Variants in ATPAF2 observed in about 807,000 individuals in gnomAD.
The protein encoded by ATPAF2 is ATP12 homolog.
Under a neutral mutation model 36.6 loss-of-function variants are expected in ATPAF2, and 30 were observed. The ratio of observed to expected loss-of-function variants is 0.82; its 90% CI spans 0.61 to 1.11. ATPAF2 has a LOEUF of 1.11. ATPAF2 is among the 50% of genes most tolerant of loss of function. The pLI, the probability that ATPAF2 is intolerant of heterozygous loss-of-function variation, is 0.00. For synonymous variants in ATPAF2, 140 were observed against 152.6 expected, an observed-to-expected ratio of 0.92 and a Z score of 0.61; for missense variants, 321 against 372.3, an observed-to-expected ratio of 0.86 and a Z score of 1.13.
chr17:18,021,222 A>G lies in ATPAF2; in HGVS notation c.633T>C (p.Ala211=). 6.2e-7 allele frequency: 1 copy of G among 1,613,588 alleles called. No homozygotes were observed. Among genetic ancestry groups the G allele is most frequent in the Non-Finnish European group, 8.5e-7 (1 of 1,179,854 alleles). ...TWALQGIEFV[A]AQLKSMVLTL... is the part of the protein sequence containing the mutation. ...TTAGCACCATGGACTTGAGCTGGGC[A>G]GCTACAAACTCAATCCCTGCAGGGA... Residue 211 remains alanine (A), a synonymous_variant, in exon 7 of 8, where the codon GCT becomes GCC. Transcript: ENST00000474627.
At chr17:18,016,544 G>A (rs760206026), downstream of ATPAF2, 4 of 1,589,340 alleles carry the variant, frequency 2.5e-6, no homozygotes, top group Non-Finnish European at 3.5e-6. Flanking sequence ...TCGGGCTTTG[G>A]TTTCACTCCT....
intron 1 of ATPAF2, among the ~76,000 whole-genome samples, chr17:18,031,044 T>C (rs1262221667): frequency 5.2e-5 from 7 of 135,810 alleles, no homozygotes; most frequent in East Asian, 2.3e-4. Context: ...GCGATCTCGG[T>C]TCACTGCAAG....
chr17:18,027,231 AG>A (rs1469341936), intron 3 of ATPAF2, among the ~76,000 whole-genome samples: 3 of 151,612 alleles, frequency 2.0e-5, no homozygotes, highest in Non-Finnish European at 4.4e-5. Flanking sequence ...AAAAAAAAAA[AG>A]ATCTTTTTTT....
At chr17:18,033,050 TAAAGGCTCCACACAGGCATAC>T (rs2145517240) in intron 1 of ATPAF2, among the ~76,000 whole-genome samples, 1 of 151,950 alleles carries the variant, frequency 6.6e-6, no homozygotes, top group African/African-American at 2.4e-5. Flanking sequence ...GGGAGCCAAG[TAAAGGCTCCACACAGGCATAC>T]AGGAACTTGA....
intron 7 of ATPAF2, 102 bp from the exon 8 acceptor site, chr17:18,018,788 G>A (rs1354978440): frequency 6.4e-7 from 1 of 1,561,700 alleles, no homozygotes; most frequent in Non-Finnish European, 8.8e-7. Flanking sequence ...AGGGCAACAG[G>A]TTTGTATCTT....
At chr17:18,033,556 G>A (rs1311545356) in intron 1 of ATPAF2, among the ~76,000 whole-genome samples, 1 of 151,836 alleles carries the variant, frequency 6.6e-6, no homozygotes, top group Non-Finnish European at 1.5e-5. Flanking sequence ...TAGCTTTGTA[G>A]GATCATGCAG....
downstream of ATPAF2, chr17:18,016,243 C>T (rs757954586): frequency 6.3e-7 from 1 of 1,596,514 alleles, no homozygotes; most frequent in Non-Finnish European, 8.6e-7. Context: ...ACTTTTCTAG[C>T]TGACATGGAA....
intron 7 of ATPAF2, 25 bp downstream of exon 7, chr17:18,021,098 C>T (rs753416171): frequency 2.1e-5 from 33 of 1,600,174 alleles, no homozygotes; most frequent in East Asian, 2.0e-4. Flanking sequence ...AAGGGGGAGG[C>T]GGGACCTGAG....
At chr17:18,016,576 A>T (rs943541127), downstream of ATPAF2, 10 of 1,613,368 alleles carry the variant, frequency 6.2e-6, no homozygotes, top group Middle Eastern at 1.6e-4. Context: ...GGATGAGATC[A>T]TGAGGAACCG....
intron 3 of ATPAF2, among the ~76,000 whole-genome samples, chr17:18,027,701 G>A (rs773068944): frequency 1.4e-4 from 21 of 152,170 alleles, no homozygotes; most frequent in Non-Finnish European, 2.4e-4. Flanking sequence ...GGACGAGGGG[G>A]CTGGTTCTAT....
chr17:18,034,700 C>A (rs2044681236), intron 1 of ATPAF2, among the ~76,000 whole-genome samples: 1 of 152,138 alleles, frequency 6.6e-6, no homozygotes, highest in Admixed American at 6.5e-5. Context: ...ACAGAGTTAC[C>A]ATTTGACCCA....
chr17:18,015,318 C>CA (rs2044318242), downstream of ATPAF2: 1 of 152,210 alleles, frequency 6.6e-6, no homozygotes, highest in African/African-American at 2.4e-5. Flanking sequence ...ACAGAGCATT[C>CA]AGGTGCTCTG....
intron 1 of ATPAF2, among the ~76,000 whole-genome samples, chr17:18,029,926 C>CCTAT (rs1385809324): frequency 1.4e-5 from 2 of 146,846 alleles, no homozygotes; most frequent in Non-Finnish European, 3.0e-5. Context: ...GTGGCTCATG[C>CCTAT]CTATAATCCT....
chr17:18,024,833 T>C (rs560076631), intron 4 of ATPAF2, 129 bp from the exon 5 acceptor site: 8 of 785,066 alleles, frequency 1.0e-5, no homozygotes, highest in Admixed American at 6.0e-5. Context: ...ACAAGTCTTT[T>C]CCCCTAAAGC....
intron 1 of ATPAF2, among the ~76,000 whole-genome samples, chr17:18,034,419 A>T (rs565444619): frequency 2.6e-5 from 4 of 152,162 alleles, no homozygotes; most frequent in Admixed American, 6.5e-5. Context: ...AAAAAAAAAC[A>T]ATGGTCAAGG....
chr17:18,028,152 T>G, intron 3 of ATPAF2, 80 bp downstream of exon 3: 1 of 1,567,302 alleles, frequency 6.4e-7, no homozygotes, highest in Non-Finnish European at 8.8e-7. Flanking sequence ...CCCAGGGCCT[T>G]GTCGGAATTT....
intron 7 of ATPAF2, among the ~76,000 whole-genome samples, chr17:18,019,049 G>A (rs933829042): frequency 2.0e-5 from 3 of 152,048 alleles, no homozygotes; most frequent in African/African-American, 7.2e-5. Flanking sequence ...TGAGGTAGGA[G>A]GACTGCTTTG....
At chr17:18,033,361 C>CAA (rs200896637) in intron 1 of ATPAF2, among the ~76,000 whole-genome samples, 30 of 64,496 alleles carry the variant, frequency 4.7e-4, no homozygotes, top group African/African-American at 1.1e-3. Context: ...GACTCTGTCT[C>CAA]AAAAAAAAAA....
chr17:18,038,745 G>C (rs1325552438), intron 1 of ATPAF2, 136 bp downstream of exon 1: 1 of 1,304,064 alleles, frequency 7.7e-7, no homozygotes, highest in Non-Finnish European at 1.1e-6. Flanking sequence ...TTTCTCATCT[G>C]TAAAAAGACC....
Sources: gnomAD v4.1 joint callset for allele counts (sites outside exome capture counted in the v4.1 genomes callset) on GRCh38, gnomAD v4.1.1 for gene constraint, MANE v1.5 for transcripts, NCBI Gene and HGNC (gene_info 2026-07-23, HGNC 2026-07-21) for gene names.